The following PCNT variants were observed in gnomAD, a reference collection of about 807,000 sequenced individuals.
PCNT encodes pericentrin.
PCNT carries 319 observed loss-of-function variants against 380.4 expected under a neutral mutation model. The observed-to-expected ratio is 0.84, with a 90% CI of 0.77 to 0.92. The LOEUF (loss-of-function observed/expected upper bound fraction) is 0.92. PCNT is among the 40% of genes least tolerant of loss of function. The pLI is 0.00. For missense variants in PCNT, 4,400 were observed against 4,255.3 expected (o/e 1.03, Z -0.95); for synonymous variants, 1,845 against 1,735.2 (o/e 1.06, Z -1.57).
chr21:46,353,096 T>A lies in PCNT; in HGVS notation c.1457-8T>A. 6.2e-7 allele frequency: 1 copy of A among 1,611,506 alleles called. No homozygotes were observed. Among genetic ancestry groups the A allele is most frequent in the South Asian group, 1.1e-5 (1 of 91,016 alleles). On this transcript the variant is annotated splice_polypyrimidine_tract_variant and splice_region_variant and intron_variant, in intron 9 of 46. Transcript: ENST00000359568. Reference sequence around the variant, plus strand: ...TTAAGACGATTGCCTGACTCCGTTATGTTGCAGAGCTACATGAGCAACTCC... The same window carrying A: ...TTAAGACGATTGCCTGACTCCGTTAAGTTGCAGAGCTACATGAGCAACTCC...
chr21:46,443,908 C>T lies in PCNT; in HGVS notation c.9799C>T (p.Arg3267Cys), dbSNP rs773911532. ...CCACACCAGGGACCCTGCCAGAGGC[C>T]GCAGACTGGCAGCAGCAGCCTCCCC... Reference protein sequence around the residue: ...SGHTRDPARGRRLAAAASPHS... With the variant: ...SGHTRDPARGCRLAAAASPHS... Residue 3267 changes from arginine (R) to cysteine (C), a missense_variant, in exon 45 of 47, where the codon CGC (arginine) becomes TGC (cysteine). Arg to Cys is a radical substitution (Grantham distance 180). Transcript: ENST00000359568. 28 of 1,612,572 alleles carry T rather than the reference C, an allele frequency of 1.7e-5. 1 individual carries two copies. The South Asian group carries it at 2.4e-4, about 14-fold the overall frequency.
chr21:46,401,815 A>G (rs2086438884), intron 26 of PCNT, 94 bp downstream of exon 26: 2 of 1,155,104 alleles, frequency 1.7e-6, no homozygotes, highest in Non-Finnish European at 2.6e-6. Context: ...AACACAGGCG[A>G]TGGGCTTGTG....
chr21:46,434,073 C>T (rs925602196), intron 38 of PCNT, among the ~76,000 whole-genome samples: 2 of 152,152 alleles, frequency 1.3e-5, no homozygotes, highest in South Asian at 2.1e-4. Context: ...CCACTGTGCC[C>T]GGCCTCCAGA....
intron 3 of PCNT, among the ~76,000 whole-genome samples, chr21:46,338,521 A>G (rs1804825563): frequency 6.6e-6 from 1 of 151,806 alleles, no homozygotes; most frequent in African/African-American, 2.4e-5. Flanking sequence ...CATTGTGTGC[A>G]TGGTACACAG....
Position 46,414,736 on chromosome 21 carries a change from CT to C in PCNT, c.6151-1332del. 1.5e-4 allele frequency among the ~76,000 whole-genome samples: 10 copies of C among 65,282 alleles called. 1 individual carries two copies. Among genetic ancestry groups the C allele is most frequent in the African/African-American group, 3.9e-4 (7 of 17,862 alleles). The allele number at this position is 65,282 out of a possible 152,430, so 42.8% of individuals were successfully genotyped here. On this transcript the variant is annotated intron_variant, in intron 29 of 46. Coordinates refer to ENST00000359568, the MANE Select transcript of PCNT (RefSeq NM_006031.6). ...CCTCCTGGACACACAGCTGCCCACC[CT>C]CCTCCTCCTGGACACGCAGCCGCCC...
At chr21:46,343,526 T>A (rs1287116062) in intron 3 of PCNT, among the ~76,000 whole-genome samples, 2 of 152,208 alleles carry the variant, frequency 1.3e-5, no homozygotes, top group Non-Finnish European at 2.9e-5. Flanking sequence ...TTAGCTAGTA[T>A]TTTGTTGAAG....
intron 30 of PCNT, among the ~76,000 whole-genome samples, chr21:46,417,628 G>T (rs137955061): frequency 1.3e-5 from 2 of 152,134 alleles, no homozygotes; most frequent in Non-Finnish European, 2.9e-5. Flanking sequence ...ATCAGGTATG[G>T]TTGGGCTCAT....
chr21:46,332,597 A>G (rs760750354), intron 2 of PCNT, among the ~76,000 whole-genome samples: 3 of 152,084 alleles, frequency 2.0e-5, no homozygotes, highest in African/African-American at 4.8e-5. Flanking sequence ...TTCGTCCCTC[A>G]CTTCCTCTTG....
Position 46,411,795 on chromosome 21 carries a change from C to A in PCNT, c.5722C>A (p.Gln1908Lys), listed in dbSNP as rs1447878691. Residue 1908 changes from glutamine (Q) to lysine (K), a missense_variant, in exon 28 of 47, where the codon CAG (glutamine) becomes AAG (lysine). Physicochemically the swap from Gln to Lys is moderately conservative, Grantham distance 53 (BLOSUM62 1). Coordinates refer to ENST00000359568, the MANE Select transcript of PCNT (RefSeq NM_006031.6). ...CCGCATCCGCCGCGCCCTGGAGCAG[C>A]AGCCCCTGGCAGCCGGGGCGGCGCC... ...LARIRRALEQ[Q>K]PLAAGAAPPE... is the part of the protein sequence containing the mutation. The A allele has an allele frequency of 6.9e-6, 11 of 1,594,436 alleles. No homozygotes were observed. The highest frequency in any genetic ancestry group is 9.4e-6 in the Non-Finnish European group (11 of 1,173,928).
In PCNT at chr21:46,442,047, C is replaced by T. The variant is rs141450277; in HGVS notation, c.9624-450C>T. 2.4e-3 allele frequency among the ~76,000 whole-genome samples: 365 copies of T among 152,312 alleles called. 1 individual carries two copies. The highest frequency in any genetic ancestry group is 4.1e-3 in the Non-Finnish European group (282 of 68,028). On this transcript the variant is annotated intron_variant, in intron 43 of 46. Coordinates refer to ENST00000359568, the MANE Select transcript of PCNT (RefSeq NM_006031.6). ...TGCACTCTGCATGCTCACCATCTGACGGACTCCTGCGAGGGCTGGGGTCTC... is the reference window on the plus strand; with the variant it reads ...TGCACTCTGCATGCTCACCATCTGATGGACTCCTGCGAGGGCTGGGGTCTC...
chr21:46,364,955 G>A (rs796723280), intron 14 of PCNT, among the ~76,000 whole-genome samples: 41 of 152,326 alleles, frequency 2.7e-4, no homozygotes, highest in African/African-American at 8.9e-4. Context: ...GTCCTGTGTC[G>A]CCAGTGCCCA....
At chr21:46,429,087 C>T (rs535060437) in intron 35 of PCNT, among the ~76,000 whole-genome samples, 24 of 152,328 alleles carry the variant, frequency 1.6e-4, no homozygotes, top group African/African-American at 4.8e-4. Flanking sequence ...TGGGGTCAGG[C>T]GCCCTTGGTC....
chr21:46,421,917 G>A, intron 31 of PCNT, 53 bp from the exon 32 acceptor site: 3 of 1,603,684 alleles, frequency 1.9e-6, no homozygotes, highest in Non-Finnish European at 2.6e-6. Flanking sequence ...TGCGTCCCCT[G>A]GGGAACCCCC....
chr21:46,431,102 G>T, intron 37 of PCNT: 1 of 985,448 alleles, frequency 1.0e-6, no homozygotes, highest in Non-Finnish European at 1.2e-6. Context: ...CATGGAAGTG[G>T]TGGTTCCTAG....
chr21:46,416,060 C>T lies in PCNT; in HGVS notation c.6151-9C>T, dbSNP rs200571944. 1,214 of 1,613,914 alleles carry T rather than the reference C, an allele frequency of 7.5e-4. 1 individual carries two copies. Among genetic ancestry groups the T allele is most frequent in the Non-Finnish European group, 9.3e-4 (1,101 of 1,179,990 alleles). ...ATTCCACCGTGCACCTGTTCTGTTTCACCTGCAGGGTAAAGAAAAAGTACT... is the reference window on the plus strand; with the variant it reads ...ATTCCACCGTGCACCTGTTCTGTTTTACCTGCAGGGTAAAGAAAAAGTACT... On this transcript the variant is annotated splice_polypyrimidine_tract_variant and intron_variant, in intron 29 of 46. Coordinates refer to ENST00000359568, the MANE Select transcript of PCNT (RefSeq NM_006031.6).
chr21:46,391,332 G>A lies in PCNT; in HGVS notation c.4172G>A (p.Ser1391Asn), dbSNP rs764095531. The change falls in exon 21 of 47, where the codon AGT becomes AAT. Residue 1391 changes from serine to asparagine, a missense_variant. Coordinates refer to ENST00000359568, the MANE Select transcript of PCNT (RefSeq NM_006031.6). ...ALREECTRLW[S>N]RGEATATDAE... ...AGGGAGGAGTGCACCCGTCTGTGGA[G>A]TCGGGGGGAGGCCACAGCCACGGAC... The A allele has an allele frequency of 5.8e-6, 9 of 1,557,626 alleles. No homozygotes were observed. In the Admixed American group the frequency reaches 1.2e-4, roughly 20 times the overall value.
intron 27 of PCNT, among the ~76,000 whole-genome samples, chr21:46,407,619 A>G (rs1340002401): frequency 6.6e-6 from 1 of 152,232 alleles, no homozygotes; most frequent in Non-Finnish European, 1.5e-5. Flanking sequence ...CTGGGATTAC[A>G]GGCGTGAGCC....
At chr21:46,398,387 C>A (rs2086280334) in intron 24 of PCNT, 132 bp downstream of exon 24, 1 of 885,656 alleles carries the variant, frequency 1.1e-6, no homozygotes, top group Non-Finnish European at 1.8e-6. Flanking sequence ...TTTCTCTTGT[C>A]TGAGGAAGCT....
At chr21:46,436,173 T>G in intron 39 of PCNT, 25 bp downstream of exon 39, 1 of 1,601,504 alleles carries the variant, frequency 6.2e-7, no homozygotes, top group South Asian at 1.1e-5. Context: ...CACCTGGCGC[T>G]CACTGGTCCC....
Sources: allele counts gnomAD v4.1 joint callset (sites outside exome capture counted in the v4.1 genomes callset), GRCh38; gene constraint gnomAD v4.1.1; transcripts MANE v1.5; gene names NCBI Gene and HGNC (gene_info 2026-07-23, HGNC 2026-07-21).